Variants in PUS7 observed in about 807,000 individuals in gnomAD.
The protein encoded by PUS7 is pseudouridylate synthase 7 homolog.
PUS7 carries 48 observed loss-of-function variants against 79.8 expected under a neutral mutation model. The observed-to-expected ratio is 0.60, with a 90% CI of 0.48 to 0.76. The LOEUF (loss-of-function observed/expected upper bound fraction) is 0.76. Among genes scored for constraint, PUS7 ranks in the 30% least tolerant of loss-of-function variants. PUS7 has a pLI of 0.00. For synonymous variants in PUS7, 286 were observed against 272.2 expected (o/e 1.05, Z -0.50); for missense variants, 729 against 797.6 (o/e 0.91, Z 1.04).
Position 105,522,058 on chromosome 7 carries a change from C to G in PUS7, c.-39G>C, listed in dbSNP as rs1586198138. 6.6e-6 allele frequency: 1 copy of G among 151,124 alleles called. No individual in the cohort carries two copies. The highest frequency in any genetic ancestry group is 2.1e-4 in the South Asian group (1 of 4,776). The allele number at this position is 151,124 out of a possible 1,614,324, so 9.4% of individuals were successfully genotyped here. On this transcript the variant is annotated 5_prime_UTR_variant, in exon 1 of 16. Transcript: ENST00000469408. ...GGGGAGGCCGCGCACTTACCCGGAG[C>G]CTGGGAGCGCGGGCGCGGCGTGAGC...
At chr7:105,505,485 T>C (rs553437399) in intron 4 of PUS7, among the ~76,000 whole-genome samples, 1 of 152,284 alleles carries the variant, frequency 6.6e-6, no homozygotes, top group African/African-American at 2.4e-5. Context: ...CTGACCTGGG[T>C]CACATACCTG....
chr7:105,464,646 C>G (rs1041591338), intron 13 of PUS7, among the ~76,000 whole-genome samples: 1 of 152,084 alleles, frequency 6.6e-6, no homozygotes, highest in South Asian at 2.1e-4. Context: ...AGTCTTTGAC[C>G]TCCAACTGAG....
chr7:105,477,830 G>GTCT (rs911018417), intron 9 of PUS7, among the ~76,000 whole-genome samples: 13 of 152,142 alleles, frequency 8.5e-5, no homozygotes, highest in African/African-American at 3.1e-4. Context: ...CACAGGCAGG[G>GTCT]TCTTGCTCTG....
chr7:105,507,420 G>A (rs1414775978), intron 2 of PUS7, among the ~76,000 whole-genome samples: 1 of 152,136 alleles, frequency 6.6e-6, no homozygotes, highest in African/African-American at 2.4e-5. Flanking sequence ...TTCACACTGG[G>A]ATCCACCTGG....
chr7:105,520,653 C>T, intron 1 of PUS7, among the ~76,000 whole-genome samples: 1 of 152,258 alleles, frequency 6.6e-6, no homozygotes, highest in East Asian at 1.9e-4. Context: ...ACCCAGGAGG[C>T]TGAGGTTGCA....
At chr7:105,490,290 T>C (rs913179114) in intron 7 of PUS7, among the ~76,000 whole-genome samples, 6 of 152,078 alleles carry the variant, frequency 3.9e-5, no homozygotes, top group Admixed American at 1.3e-4. Flanking sequence ...TTAAAGACAA[T>C]GCATCCATCA....
rs112413140 is a variant in PUS7 at position 105,470,772 on chromosome 7, T to C, written c.1314A>G (p.Leu438=). ...TKDPTAALRK[L]PVKRCVEGQL... ...GCCCTTCCACACACCTTTTGACAGG[T>C]AGTTTTCTGAGGGCAGCAGTTGGGT... is the stretch of plus-strand genomic sequence containing the variant. The change falls in exon 11 of 16, where the codon CTA becomes CTG. Residue 438 remains leucine (L), a synonymous_variant. Transcript: ENST00000469408. 1.5e-3 allele frequency: 2,365 copies of C among 1,612,766 alleles called. 35 individuals carry two copies. The African/African-American group carries it at 0.029, about 19-fold the overall frequency.
At chr7:105,475,297 T>C (rs1415068730) in intron 9 of PUS7, among the ~76,000 whole-genome samples, 1 of 152,174 alleles carries the variant, frequency 6.6e-6, no homozygotes, top group Non-Finnish European at 1.5e-5. Context: ...GCCATTCTTC[T>C]GCCTCAGCCT....
intron 6 of PUS7, 57 bp downstream of exon 6, chr7:105,495,085 A>C (rs958429700): frequency 1.0e-6 from 1 of 990,078 alleles, no homozygotes; most frequent in Non-Finnish European, 1.5e-6. Context: ...AGCATGGAAA[A>C]AGGAATATAC....
chr7:105,492,922 G>A (rs971090445), intron 6 of PUS7, among the ~76,000 whole-genome samples: 1 of 152,008 alleles, frequency 6.6e-6, no homozygotes, highest in African/African-American at 2.4e-5. Flanking sequence ...GGATTACAGG[G>A]GTGAGCCACT....
chr7:105,483,166 TTC>T (rs954296249), intron 7 of PUS7, among the ~76,000 whole-genome samples: 24 of 141,324 alleles, frequency 1.7e-4, no homozygotes, highest in Non-Finnish European at 3.3e-4. Flanking sequence ...CCAATGTTGT[TTC>T]TTTCTTTCCT....
intron 4 of PUS7, among the ~76,000 whole-genome samples, chr7:105,503,034 T>C (rs1291128090): frequency 6.6e-6 from 1 of 152,088 alleles, no homozygotes; most frequent in Admixed American, 6.6e-5. Flanking sequence ...ATATTGCAAA[T>C]CCCGGGAGCC....
Position 105,459,506 on chromosome 7 carries a change from T to C in PUS7, c.1758-247A>G, listed in dbSNP as rs562086095. ...AGGCTGGAGTGCAGTGGTGTGATCT[T>C]GGCTCACTGCAACCTCTGCCTCCTG... On this transcript the variant is annotated intron_variant, in intron 14 of 15. Transcript: ENST00000469408. 3.3e-5 allele frequency among the ~76,000 whole-genome samples: 5 copies of C among 151,908 alleles called. No individual in the cohort carries two copies. The East Asian group carries it at 9.7e-4, about 29-fold the overall frequency.
chr7:105,501,969 AATATATAT>A (rs4006346), intron 5 of PUS7, among the ~76,000 whole-genome samples: 4 of 73,714 alleles, frequency 5.4e-5, no homozygotes, highest in African/African-American at 1.9e-4. Context: ...AAAAAAAAAA[AATATATAT>A]ATATATATAT....
intron 1 of PUS7, among the ~76,000 whole-genome samples, chr7:105,520,375 C>T (rs111952592): frequency 5.9e-5 from 9 of 152,222 alleles, no homozygotes; most frequent in African/African-American, 2.2e-4. Flanking sequence ...AGGAGAATGG[C>T]GTGAACCCGG....
intron 2 of PUS7, among the ~76,000 whole-genome samples, chr7:105,507,786 C>T (rs970933496): frequency 1.4e-4 from 22 of 152,150 alleles, no homozygotes; most frequent in African/African-American, 5.1e-4. Context: ...AAGTGATCCG[C>T]CAGCCTCGGC....
At chr7:105,510,960 AGGCAT>A (rs1338191505) in intron 1 of PUS7, among the ~76,000 whole-genome samples, 1 of 152,198 alleles carries the variant, frequency 6.6e-6, no homozygotes, top group African/African-American at 2.4e-5. Flanking sequence ...TAGTTCTCCA[AGGCAT>A]GGTTAACAAG....
At chr7:105,522,005 G>A in intron 1 of PUS7, 47 bp downstream of exon 1, 1 of 152,530 alleles carries the variant, frequency 6.6e-6, no homozygotes. Flanking sequence ...CTGGGGCCAG[G>A]GCCAGGCCGA....
intron 1 of PUS7, among the ~76,000 whole-genome samples, chr7:105,510,492 T>C (rs539464313): frequency 2.6e-5 from 4 of 152,258 alleles, no homozygotes; most frequent in Admixed American, 2.6e-4. Flanking sequence ...TCTACTGAAC[T>C]GTACACGTGG....
Sources: gnomAD v4.1 joint callset for allele counts (sites outside exome capture counted in the v4.1 genomes callset) on GRCh38, gnomAD v4.1.1 for gene constraint, MANE v1.5 for transcripts, NCBI Gene and HGNC (gene_info 2026-07-23, HGNC 2026-07-21) for gene names.